The following GSE1 variants were observed in gnomAD, a reference collection of about 807,000 sequenced individuals.
GSE1 encodes the protein genetic suppressor element 1.
In GSE1, 32 loss-of-function variants were observed where a neutral mutation model predicts 112.6. The ratio of observed to expected loss-of-function variants is 0.28; its 90% CI spans 0.21 to 0.38. The LOEUF (loss-of-function observed/expected upper bound fraction) is 0.38. GSE1 is among the 10% of genes least tolerant of loss of function. GSE1 has a pLI of 1.00. For missense variants in GSE1, 2,348 were observed against 1,699.2 expected (o/e 1.38, Z -6.71); for synonymous variants, 1,115 against 735.6 (o/e 1.52, Z -8.35).
intron 2 of GSE1, among the ~76,000 whole-genome samples, chr16:85,383,478 C>T (rs1009246996): frequency 3.3e-5 from 5 of 151,866 alleles, no homozygotes; most frequent in African/African-American, 1.2e-4. Context: ...CACATTTGAA[C>T]ATACACGCAG....
chr16:85,288,456 TGCCTCTTA>T (rs138712727), intron 1 of GSE1, among the ~76,000 whole-genome samples: 3,243 of 152,282 alleles, frequency 0.021, 54 homozygotes, highest in Non-Finnish European at 0.032. Context: ...GAAGCAGAGC[TGCCTCTTA>T]GCCTGGGCTG....
intron 2 of GSE1, among the ~76,000 whole-genome samples, chr16:85,422,902 C>A (rs947121269): frequency 6.6e-6 from 1 of 152,280 alleles, no homozygotes; most frequent in Admixed American, 6.5e-5. Flanking sequence ...GGCCGCACCC[C>A]GCTTGCTCAC....
intron 2 of GSE1, among the ~76,000 whole-genome samples, chr16:85,420,740 T>C (rs576355416): frequency 2.0e-5 from 3 of 152,272 alleles, no homozygotes; most frequent in African/African-American, 7.2e-5. Flanking sequence ...CTGCCTTCCC[T>C]TGGGGAGCCA....
At position 85,179,839 on chromosome 16, in the gene GSE1, C is replaced by T. The variant is rs371656390; in HGVS notation, c.2283+8032C>T. Among the ~76,000 whole-genome samples, 117 of 152,314 alleles carry T rather than the reference C, an allele frequency of 7.7e-4. 1 individual carries two copies. The Middle Eastern group carries it at 0.014, about 18-fold the overall frequency. On this transcript the variant is annotated intron_variant, in intron 1 of 2. Coordinates refer to the GSE1 transcript ENST00000637419. Reference sequence around the variant, plus strand: ...CAGCCACAACCCTGGGCATCAGAAGCCTTGGGTTATGGCCCCAACACTCAC... The same window carrying T: ...CAGCCACAACCCTGGGCATCAGAAGTCTTGGGTTATGGCCCCAACACTCAC...
intron 13 of GSE1, among the ~76,000 whole-genome samples, chr16:85,667,714 C>A (rs1418843446): frequency 6.6e-6 from 1 of 152,170 alleles, no homozygotes; most frequent in Non-Finnish European, 1.5e-5. Flanking sequence ...CAAAAATTAG[C>A]TGGGCATGGT....
At chr16:85,562,097 A>C (rs8054827) in intron 1 of GSE1, among the ~76,000 whole-genome samples, 1 of 152,232 alleles carries the variant, frequency 6.6e-6, no homozygotes, top group Non-Finnish European at 1.5e-5. Context: ...GGTTAGGCCT[A>C]ATGGGATCTG....
chr16:85,294,645 C>CTG (rs1567669574), intron 1 of GSE1, among the ~76,000 whole-genome samples: 1 of 124,704 alleles, frequency 8.0e-6, no homozygotes. Context: ...CTCTCTCTCT[C>CTG]TCTCTCTCTC....
intron 2 of GSE1, among the ~76,000 whole-genome samples, chr16:85,546,002 GTC>G (rs1335491096): frequency 2.0e-5 from 3 of 152,178 alleles, no homozygotes; most frequent in African/African-American, 7.2e-5. Context: ...AGCCAGGATG[GTC>G]TCGATCTCCT....
At chr16:85,411,206 C>T (rs1290600552) in intron 2 of GSE1, among the ~76,000 whole-genome samples, 1 of 76,022 alleles carries the variant, frequency 1.3e-5, no homozygotes, top group African/African-American at 7.3e-5. Context: ...CTGTTACACT[C>T]AGGGCCCCCG....
intron 1 of GSE1, among the ~76,000 whole-genome samples, chr16:85,617,624 G>A (rs867126199): frequency 9.9e-5 from 12 of 121,674 alleles, no homozygotes; most frequent in African/African-American, 3.2e-4. Flanking sequence ...TAACTGCCAC[G>A]TGCAGCCCAA....
intron 1 of GSE1, among the ~76,000 whole-genome samples, chr16:85,618,871 C>G (rs1270865886): frequency 2.0e-5 from 3 of 152,272 alleles, no homozygotes; most frequent in African/African-American, 7.2e-5. Flanking sequence ...ACTGTGTTGC[C>G]CAGGGTGGTC....
intron 2 of GSE1, among the ~76,000 whole-genome samples, chr16:85,528,462 C>T (rs1395046497): frequency 6.6e-6 from 1 of 150,730 alleles, no homozygotes; most frequent in Non-Finnish European, 1.5e-5. Context: ...CAGGTGTGTG[C>T]ACCACCACCC....
intron 1 of GSE1, among the ~76,000 whole-genome samples, chr16:85,561,151 A>G (rs2045498949): frequency 6.6e-6 from 1 of 151,788 alleles, no homozygotes; most frequent in African/African-American, 2.4e-5. Flanking sequence ...AAAATTATTC[A>G]TGAGGAAGAG....
chr16:85,409,440 GC>G (rs36168364), intron 2 of GSE1, among the ~76,000 whole-genome samples: 344 of 7,654 alleles, frequency 0.045, 88 homozygotes, highest in South Asian at 0.082. Flanking sequence ...TACACTCAGG[GC>G]CCCCCCGGAT....
intron 2 of GSE1, among the ~76,000 whole-genome samples, chr16:85,540,485 C>T (rs1366725453): frequency 2.0e-5 from 3 of 152,210 alleles, no homozygotes; most frequent in Non-Finnish European, 4.4e-5. Context: ...CCCTCAAGGC[C>T]ATAAAAACAG....
chr16:85,342,276 A>G (rs912640136), intron 1 of GSE1, among the ~76,000 whole-genome samples: 3 of 152,188 alleles, frequency 2.0e-5, no homozygotes, highest in Non-Finnish European at 4.4e-5. Flanking sequence ...ATCAACTTCA[A>G]TTAGAGCTAT....
chr16:85,561,736 C>T (rs2045530480), intron 1 of GSE1, among the ~76,000 whole-genome samples: 2 of 152,218 alleles, frequency 1.3e-5, no homozygotes, highest in African/African-American at 4.8e-5. Context: ...TGTCCTAGGC[C>T]CCTTTCTTGA....
chr16:85,620,967 C>T (rs948161812), intron 1 of GSE1, among the ~76,000 whole-genome samples: 7 of 151,560 alleles, frequency 4.6e-5, no homozygotes, highest in African/African-American at 9.7e-5. Flanking sequence ...TTGGGGAACC[C>T]GTGTAGATGG....
intron 1 of GSE1, among the ~76,000 whole-genome samples, chr16:85,572,388 CACACACAA>C (rs1344221531): frequency 6.8e-6 from 1 of 147,914 alleles, no homozygotes; most frequent in African/African-American, 2.5e-5. Context: ...CACATACCCC[CACACACAA>C]ACACACCACA....
Sources: gnomAD v4.1 joint callset for allele counts (sites outside exome capture counted in the v4.1 genomes callset) on GRCh38, gnomAD v4.1.1 for gene constraint, MANE v1.5 for transcripts, NCBI Gene and HGNC (gene_info 2026-07-23, HGNC 2026-07-21) for gene names.